The following CTBP2 variants were observed in gnomAD, a reference collection of about 807,000 sequenced individuals.
The protein encoded by CTBP2 is C-terminal binding protein 2.
A neutral mutation model predicts 80.3 loss-of-function variants in CTBP2; 30 were observed. The ratio of observed to expected loss-of-function variants is 0.37; its 90% CI spans 0.28 to 0.51. CTBP2 has a LOEUF of 0.51. CTBP2 is among the 20% of genes least tolerant of loss of function. The pLI is 0.93. For missense variants in CTBP2, 1,212 were observed against 1,375.3 expected, an observed-to-expected ratio of 0.88 and a Z score of 1.88; for synonymous variants, 594 against 587.4, an observed-to-expected ratio of 1.01 and a Z score of -0.16.
At chr10:125,161,963 C>G (rs967138151), upstream of CTBP2, among the ~76,000 whole-genome samples, 5 of 152,148 alleles carry the variant, frequency 3.3e-5, no homozygotes, top group Non-Finnish European at 7.3e-5. Flanking sequence ...AGCACCTGGG[C>G]TAAATTCCCC....
chr10:125,078,210 G>A (rs969247227), intron 2 of CTBP2, among the ~76,000 whole-genome samples: 1 of 151,602 alleles, frequency 6.6e-6, no homozygotes, highest in Non-Finnish European at 1.5e-5. Context: ...AACCTGGCAG[G>A]CGGAGCTTGT....
At chr10:125,017,933 A>G (rs770569104) in intron 1 of CTBP2, among the ~76,000 whole-genome samples, 8 of 152,198 alleles carry the variant, frequency 5.3e-5, no homozygotes, top group Admixed American at 1.3e-4. Context: ...AGAGCCCATC[A>G]TGATGACTGC....
chr10:125,026,554 CG>C lies in CTBP2; in HGVS notation c.1205del (p.Pro402ArgfsTer46). On this transcript the variant is annotated frameshift_variant, in exon 1 of 9. Coordinates refer to ENST00000309035, the MANE Select transcript of CTBP2 (RefSeq NM_022802.3). LOFTEE classifies it high-confidence loss of function. ...ATGGTGCGCTGGAGGGACGGCGAGC[CG>C]GGTCTCCAGCTCGGGGGGATGCTGT... The C allele has an allele frequency of 1.3e-6, 2 of 1,560,738 alleles. No homozygotes were observed. The highest frequency in any genetic ancestry group is 2.4e-5 in the East Asian group (1 of 41,914).
chr10:125,081,438 G>A (rs763972743), intron 2 of CTBP2, among the ~76,000 whole-genome samples: 1 of 152,146 alleles, frequency 6.6e-6, no homozygotes, highest in Non-Finnish European at 1.5e-5. Flanking sequence ...ACTGTGTTTA[G>A]GAAAAATTAA....
At chr10:125,142,215 G>T (rs768926438) in intron 1 of CTBP2, among the ~76,000 whole-genome samples, 1 of 152,140 alleles carries the variant, frequency 6.6e-6, no homozygotes, top group Admixed American at 6.5e-5. Flanking sequence ...CTTTTGGTCC[G>T]ACCTGTCCAG....
At chr10:125,034,218 C>G (rs1469985372) in intron 3 of CTBP2, among the ~76,000 whole-genome samples, 1 of 152,206 alleles carries the variant, frequency 6.6e-6, no homozygotes, top group Non-Finnish European at 1.5e-5. Flanking sequence ...TCTATGAACC[C>G]CATCCCCAGA....
At chr10:125,106,778 CTCT>C (rs1851526595) in intron 2 of CTBP2, among the ~76,000 whole-genome samples, 1 of 152,236 alleles carries the variant, frequency 6.6e-6, no homozygotes, top group Non-Finnish European at 1.5e-5. Context: ...TCTGCCTGGT[CTCT>C]TCCTCCCTAC....
intron 2 of CTBP2, among the ~76,000 whole-genome samples, chr10:125,097,057 T>C (rs1320645550): frequency 6.6e-6 from 1 of 152,260 alleles, no homozygotes; most frequent in Non-Finnish European, 1.5e-5. Context: ...ACATAATTTA[T>C]ATTACCATAA....
At chr10:125,085,238 G>A (rs971292088) in intron 2 of CTBP2, among the ~76,000 whole-genome samples, 2 of 152,210 alleles carry the variant, frequency 1.3e-5, no homozygotes, top group South Asian at 2.1e-4. Flanking sequence ...GTAGAGAAAA[G>A]CCGCCAACAT....
intron 1 of CTBP2, among the ~76,000 whole-genome samples, chr10:125,008,384 C>T (rs1311329426): frequency 1.3e-5 from 2 of 152,242 alleles, no homozygotes; most frequent in African/African-American, 4.8e-5. Flanking sequence ...ACACTGGCCA[C>T]ATACCCCAGG....
At chr10:125,105,486 C>T (rs1440234444) in intron 2 of CTBP2, among the ~76,000 whole-genome samples, 1 of 152,114 alleles carries the variant, frequency 6.6e-6, no homozygotes, top group Non-Finnish European at 1.5e-5. Context: ...ATACTAAATC[C>T]TAAAATTACT....
chr10:125,082,757 T>C (rs1270689287), intron 2 of CTBP2, among the ~76,000 whole-genome samples: 1 of 151,926 alleles, frequency 6.6e-6, no homozygotes, highest in Non-Finnish European at 1.5e-5. Context: ...CTGGCTAACT[T>C]TTTGTATTTT....
At chr10:125,004,294 C>T (rs558912927) in intron 1 of CTBP2, among the ~76,000 whole-genome samples, 17 of 152,340 alleles carry the variant, frequency 1.1e-4, no homozygotes, top group East Asian at 5.8e-4. Context: ...ACACTACAGA[C>T]GCGCATGCTT....
chr10:125,028,433 A>G (rs190447817), upstream of CTBP2, among the ~76,000 whole-genome samples: 16 of 152,342 alleles, frequency 1.1e-4, no homozygotes, highest in East Asian at 3.1e-3. Context: ...ACATGGATAA[A>G]CAGAAAAAGG....
At chr10:125,003,575 T>TCAGGG (rs1954832312) in intron 1 of CTBP2, 83 bp from the exon 4 acceptor site, 2 of 1,180,284 alleles carry the variant, frequency 1.7e-6, no homozygotes, top group Non-Finnish European at 2.3e-6. Flanking sequence ...CACTCATCAC[T>TCAGGG]CAGGGCAGGG....
chr10:125,082,077 C>G (rs935035377), intron 2 of CTBP2, among the ~76,000 whole-genome samples: 1 of 152,224 alleles, frequency 6.6e-6, no homozygotes, highest in Non-Finnish European at 1.5e-5. Flanking sequence ...AGAACCAGCC[C>G]GTGGGCAAGG....
At chr10:125,132,646 C>A (rs1406698078) in intron 1 of CTBP2, among the ~76,000 whole-genome samples, 1 of 152,196 alleles carries the variant, frequency 6.6e-6, no homozygotes, top group African/African-American at 2.4e-5. Flanking sequence ...CACATCCGTA[C>A]AGACTGCATC....
At chr10:125,005,929 T>C in intron 1 of CTBP2, 1 of 1,504,100 alleles carries the variant, frequency 6.6e-7, no homozygotes, top group Non-Finnish European at 8.8e-7. Flanking sequence ...CGTTAAATGG[T>C]AGCCACACAG....
At chr10:125,005,106 T>C (rs1955060713) in intron 1 of CTBP2, among the ~76,000 whole-genome samples, 1 of 152,166 alleles carries the variant, frequency 6.6e-6, no homozygotes, top group Non-Finnish European at 1.5e-5. Flanking sequence ...GTTAAGACTA[T>C]ACACGGTGCT....
Sources: allele counts gnomAD v4.1 joint callset (sites outside exome capture counted in the v4.1 genomes callset), GRCh38; gene constraint gnomAD v4.1.1; transcripts MANE v1.5; gene names NCBI Gene and HGNC (gene_info 2026-07-23, HGNC 2026-07-21).